ANKHD1: variants seen among roughly 807,000 people sequenced by gnomAD.
ANKHD1 encodes the protein ankyrin repeat and KH domain containing 1.
Under a neutral mutation model 230.5 loss-of-function variants are expected in ANKHD1, and 31 were observed. That is an observed-to-expected ratio of 0.13 (90% CI 0.10 to 0.18). The LOEUF (loss-of-function observed/expected upper bound fraction) is 0.18, where lower values mean the gene tolerates loss of function less well. Ranked by LOEUF, ANKHD1 falls within the 10% of genes least tolerant of loss-of-function variation. The pLI, the probability that ANKHD1 is intolerant of heterozygous loss-of-function variation, is 1.00. For synonymous variants in ANKHD1, 1,074 were observed against 1,117.6 expected (o/e 0.96, Z 0.78); for missense variants, 2,256 against 3,071.3 (o/e 0.73, Z 6.27).
At chr5:140,498,449 C>T (rs1034214753) in intron 15 of ANKHD1, among the ~76,000 whole-genome samples, 1 of 152,072 alleles carries the variant, frequency 6.6e-6, no homozygotes, top group Non-Finnish European at 1.5e-5. Flanking sequence ...TTTGAGGCTC[C>T]TCTGATATGT....
At chr5:140,531,637 C>T (rs1282668962) in intron 29 of ANKHD1, among the ~76,000 whole-genome samples, 1 of 151,802 alleles carries the variant, frequency 6.6e-6, no homozygotes, top group Admixed American at 6.6e-5. Context: ...GAAACTGAAA[C>T]CATCATACAT....
intron 9 of ANKHD1, among the ~76,000 whole-genome samples, chr5:140,460,657 A>T (rs1775637403): frequency 6.6e-6 from 1 of 152,050 alleles, no homozygotes; most frequent in African/African-American, 2.4e-5. Flanking sequence ...GGTAGCTGGG[A>T]CTATAGGCGC....
chr5:140,412,786 A>G (rs188072550), intron 1 of ANKHD1, among the ~76,000 whole-genome samples: 3 of 152,300 alleles, frequency 2.0e-5, no homozygotes, highest in Admixed American at 6.5e-5. Flanking sequence ...GTAAAGATCA[A>G]TTGACTTATG....
chr5:140,496,880 T>C lies in ANKHD1; in HGVS notation c.2606T>C (p.Leu869Pro). The C allele has an allele frequency of 6.2e-7, 1 of 1,614,196 alleles. No individual in the cohort carries two copies. Among genetic ancestry groups the C allele is most frequent in the Non-Finnish European group, 8.5e-7 (1 of 1,180,034 alleles). Residue 869 changes from leucine (L) to proline (P), a missense_variant, in exon 15 of 34, where the codon CTA becomes CCA. By Grantham distance (98) the Leu-to-Pro change is moderately conservative. Coordinates refer to ENST00000360839, the MANE Select transcript of ANKHD1 (RefSeq NM_017747.3). ...AAAGGTCAGAAAGACACAGTGTCTC[T>C]ACACCAACAGTGCTCTCATAGAGGA... The part of the protein sequence containing the change: ...ETKGQKDTVS[L>P]HQQCSHRGVF...
At chr5:140,471,622 T>C (rs144636706) in intron 10 of ANKHD1, among the ~76,000 whole-genome samples, 10 of 152,314 alleles carry the variant, frequency 6.6e-5, no homozygotes, top group Non-Finnish European at 1.0e-4. Context: ...TTTCCTTTAT[T>C]TGGAGATTTA....
At chr5:140,430,630 C>T (rs1358539493) in intron 1 of ANKHD1, among the ~76,000 whole-genome samples, 1 of 149,940 alleles carries the variant, frequency 6.7e-6, no homozygotes, top group Non-Finnish European at 1.5e-5. Flanking sequence ...CATATCTCCA[C>T]GTAGCTATAA....
chr5:140,401,899 C>T lies in ANKHD1; in HGVS notation c.-69C>T, dbSNP rs546563218. ...CGCTTCTTCCTCTTGCTGCTCTTCT[C>T]GTTCCCGAGATCAGCGGCGGCGGTG... On this transcript the variant is annotated 5_prime_UTR_variant, in exon 1 of 34. Coordinates refer to ENST00000360839, the MANE Select transcript of ANKHD1 (RefSeq NM_017747.3). 2 of 1,500,414 alleles carry T rather than the reference C, an allele frequency of 1.3e-6. No homozygotes were observed. 92.9% of individuals were successfully genotyped at this position (1,500,414 alleles called of 1,614,324 possible).
intron 24 of ANKHD1, among the ~76,000 whole-genome samples, chr5:140,519,140 C>A (rs1224527487): frequency 1.3e-5 from 2 of 149,786 alleles, no homozygotes; most frequent in East Asian, 3.9e-4. Flanking sequence ...TATACACCAA[C>A]AACAGAGAGC....
At chr5:140,409,633 G>C (rs1478628827) in intron 1 of ANKHD1, among the ~76,000 whole-genome samples, 1 of 150,800 alleles carries the variant, frequency 6.6e-6, no homozygotes, top group African/African-American at 2.4e-5. Flanking sequence ...GCTCACTGCA[G>C]CCTCCACCTC....
At chr5:140,404,043 C>T (rs949368605) in intron 1 of ANKHD1, among the ~76,000 whole-genome samples, 4 of 152,196 alleles carry the variant, frequency 2.6e-5, no homozygotes, top group Non-Finnish European at 5.9e-5. Flanking sequence ...CCTTGAATGT[C>T]TACGTCTTTG....
chr5:140,434,517 AAAT>A (rs745610816), intron 1 of ANKHD1, among the ~76,000 whole-genome samples: 18 of 151,128 alleles, frequency 1.2e-4, no homozygotes, highest in South Asian at 2.1e-4. Flanking sequence ...TATATTATGT[AAAT>A]AATATACATA....
chr5:140,509,495 T>C, intron 20 of ANKHD1, 142 bp from the exon 21 acceptor site: 10 of 990,698 alleles, frequency 1.0e-5, no homozygotes, highest in Non-Finnish European at 1.2e-5. Flanking sequence ...CTTAGCTCTT[T>C]TATGAGAGCT....
Position 140,526,436 on chromosome 5 carries a change from C to A in ANKHD1, c.4933C>A (p.Gln1645Lys). The stretch of plus-strand genomic sequence containing the variant: ...GACAAGTACTGCTACTTCCAAAACT[C>A]AGACACGGTAAATTTTTCTGATTTG... Reference protein sequence around the residue: ...EKTSTATSKTQTRLEGEVTPN... With the variant: ...EKTSTATSKTKTRLEGEVTPN... The change falls in exon 26 of 34, where the codon CAG (glutamine) becomes AAG (lysine). Residue 1645 changes from glutamine to lysine, a missense_variant. Gln to Lys is a moderately conservative substitution (Grantham distance 53, BLOSUM62 1). Transcript: ENST00000360839. 4 of 1,603,684 alleles carry A rather than the reference C, an allele frequency of 2.5e-6. No homozygotes were observed. The highest frequency in any genetic ancestry group is 3.4e-6 in the Non-Finnish European group (4 of 1,175,692).
Position 140,522,579 on chromosome 5 carries a change from T to A in ANKHD1, c.4318-1487T>A, listed in dbSNP as rs144932076. Among the ~76,000 whole-genome samples, 53 of 152,374 alleles carry A rather than the reference T, an allele frequency of 3.5e-4. No individual in the cohort carries two copies. In the East Asian group the frequency reaches 9.6e-3, roughly 28 times the overall value. On this transcript the variant is annotated intron_variant, in intron 24 of 33. Coordinates refer to ENST00000360839, the MANE Select transcript of ANKHD1 (RefSeq NM_017747.3). ...TAAGCTATCTCTTGCATTCCTAGAA[T>A]AACTCTACTTGATCATGATGTTTTT...
At chr5:140,458,560 C>T in intron 7 of ANKHD1, 65 bp from the exon 8 acceptor site, 2 of 1,517,606 alleles carry the variant, frequency 1.3e-6, no homozygotes, top group Non-Finnish European at 8.9e-7. Context: ...TTCTTCTCTC[C>T]CACTTAAAAA....
chr5:140,458,144 C>A (rs1775357190), intron 7 of ANKHD1, among the ~76,000 whole-genome samples: 1 of 152,144 alleles, frequency 6.6e-6, no homozygotes, highest in Non-Finnish European at 1.5e-5. Flanking sequence ...AACGACTTCA[C>A]ATAATTTGTT....
rs549652345 is a variant in ANKHD1 at position 140,479,704 on chromosome 5, C to A, written c.1783-2876C>A. On this transcript the variant is annotated intron_variant, in intron 10 of 33. Coordinates refer to ENST00000360839, the MANE Select transcript of ANKHD1 (RefSeq NM_017747.3). ...TTATATACATACATATGTATATATA[C>A]ATTGATTCCCATTATATACATACAT... 3.4e-5 allele frequency among the ~76,000 whole-genome samples: 5 copies of A among 147,906 alleles called. No homozygotes were observed. The South Asian group carries it at 1.1e-3, about 32-fold the overall frequency.
rs756821373 is a variant in ANKHD1 at position 140,529,317 on chromosome 5, C to T, written c.6371C>T (p.Pro2124Leu). The change falls in exon 29 of 34, where the codon CCT (proline) becomes CTT (leucine). Residue 2124 changes from proline (P) to leucine (L), a missense_variant. Pro to Leu is a moderately conservative substitution (Grantham distance 98). Transcript: ENST00000360839. ...AADNQDTSNL[P>L]QLAVPAPRVS... is the part of the protein sequence containing the mutation. ...GATAATCAGGACACCAGTAATTTAC[C>T]TCAGTTAGCTGTACCAGCACCTCGA... 9.9e-6 allele frequency: 16 copies of T among 1,614,194 alleles called. No individual in the cohort carries two copies. The highest frequency in any genetic ancestry group is 1.4e-5 in the Non-Finnish European group (16 of 1,180,036).
At chr5:140,407,035 G>A (rs1254102227) in intron 1 of ANKHD1, among the ~76,000 whole-genome samples, 3 of 151,732 alleles carry the variant, frequency 2.0e-5, no homozygotes, top group Non-Finnish European at 4.4e-5. Context: ...GGTGGCTAAC[G>A]CCTGTAATCC....
Sources: gnomAD v4.1 joint callset for allele counts (sites outside exome capture counted in the v4.1 genomes callset) on GRCh38, gnomAD v4.1.1 for gene constraint, MANE v1.5 for transcripts, NCBI Gene and HGNC (gene_info 2026-07-23, HGNC 2026-07-21) for gene names.